Variants in DRC8 observed in about 807,000 individuals in gnomAD.
DRC8 encodes dynein regulatory complex subunit 8.
the DRC8 span, among the ~76,000 whole-genome samples, chr1:245,077,354 A>G: frequency 6.6e-6 from 1 of 152,196 alleles, no homozygotes; most frequent in East Asian, 1.9e-4. Flanking sequence ...GAATCCAAAT[A>G]AAGTTTGGAA....
the DRC8 span, among the ~76,000 whole-genome samples, chr1:245,090,208 G>A: frequency 6.6e-6 from 1 of 152,192 alleles, no homozygotes; most frequent in Admixed American, 6.5e-5. Flanking sequence ...AAAGACCCAG[G>A]TAGGAGGAGT....
At chr1:245,002,292 CTCCAGCCTTGCTTCCT>C in the DRC8 span, 1 of 1,400,462 alleles carries the variant, frequency 7.1e-7, no homozygotes. Context: ...ATCTCTCTGC[CTCCAGCCTTGCTTCCT>C]TCCAGTTAAG....
At chr1:244,985,076 G>GTTTT in the DRC8 span, among the ~76,000 whole-genome samples, 834 of 130,650 alleles carry the variant, frequency 6.4e-3, 17 homozygotes, top group African/African-American at 0.017. Context: ...TGTCTCCAGG[G>GTTTT]TTTTTTTTTT....
the DRC8 span, among the ~76,000 whole-genome samples, chr1:245,093,345 T>C: frequency 6.6e-6 from 1 of 152,190 alleles, no homozygotes; most frequent in East Asian, 1.9e-4. Flanking sequence ...AGGAATTATT[T>C]ACCTCATCTA....
chr1:245,085,907 T>C, the DRC8 span, among the ~76,000 whole-genome samples: 1 of 152,238 alleles, frequency 6.6e-6, no homozygotes, highest in African/African-American at 2.4e-5. Flanking sequence ...TAACAGAGTG[T>C]AGGCGACAAA....
chr1:244,973,168 T>C, the DRC8 span, among the ~76,000 whole-genome samples: 1 of 152,190 alleles, frequency 6.6e-6, no homozygotes, highest in Non-Finnish European at 1.5e-5. Flanking sequence ...TAAGGGTATA[T>C]ACATTGACTT....
the DRC8 span, among the ~76,000 whole-genome samples, chr1:245,100,633 T>C: frequency 1.3e-5 from 2 of 150,896 alleles, no homozygotes; most frequent in Non-Finnish European, 3.0e-5. Context: ...ATACAAAAAT[T>C]AGCCAGGTGT....
chr1:245,063,879 C>T, the DRC8 span, among the ~76,000 whole-genome samples: 1 of 152,142 alleles, frequency 6.6e-6, no homozygotes, highest in African/African-American at 2.4e-5. Flanking sequence ...CGCACCACCA[C>T]ACCCGGCTAA....
At chr1:244,973,764 G>A in the DRC8 span, among the ~76,000 whole-genome samples, 3 of 152,144 alleles carry the variant, frequency 2.0e-5, no homozygotes, top group Non-Finnish European at 4.4e-5. Flanking sequence ...TCTAAAGGGG[G>A]AATAAGTTTC....
chr1:245,070,864 C>A, the DRC8 span, among the ~76,000 whole-genome samples: 1 of 152,168 alleles, frequency 6.6e-6, no homozygotes, highest in South Asian at 2.1e-4. Flanking sequence ...AGATCCCTCA[C>A]GAACGGGATT....
At chr1:244,999,911 C>G in the DRC8 span, among the ~76,000 whole-genome samples, 1 of 152,124 alleles carries the variant, frequency 6.6e-6, no homozygotes, top group Non-Finnish European at 1.5e-5. Context: ...CTCTGCCTCC[C>G]GGGTTCAAGC....
chr1:245,059,733 G>A, the DRC8 span, among the ~76,000 whole-genome samples: 7 of 152,194 alleles, frequency 4.6e-5, no homozygotes, highest in Non-Finnish European at 7.3e-5. Flanking sequence ...GTTGAAAAGA[G>A]GCCAGTAGAT....
chr1:244,997,192 T>C, the DRC8 span, among the ~76,000 whole-genome samples: 1 of 152,204 alleles, frequency 6.6e-6, no homozygotes, highest in Admixed American at 6.5e-5. Flanking sequence ...TCTGACCTTT[T>C]TATTTTTTTT....
the DRC8 span, among the ~76,000 whole-genome samples, chr1:245,008,941 G>T: frequency 3.0e-4 from 45 of 151,486 alleles, no homozygotes; most frequent in African/African-American, 9.7e-4. Flanking sequence ...CCCCAGCCTG[G>T]CCTCTCAAAG....
the DRC8 span, among the ~76,000 whole-genome samples, chr1:245,026,583 G>A: frequency 2.0e-5 from 3 of 152,174 alleles, no homozygotes; most frequent in African/African-American, 7.2e-5. Flanking sequence ...CTGCATTTGT[G>A]CAATGGAAAA....
the DRC8 span, chr1:245,075,592 T>G: frequency 6.6e-6 from 1 of 152,202 alleles, no homozygotes; most frequent in African/African-American, 2.4e-5. Flanking sequence ...GCCAGGCGTA[T>G]CAGGGCCTTG....
the DRC8 span, among the ~76,000 whole-genome samples, chr1:245,063,079 G>T: frequency 6.6e-6 from 1 of 152,130 alleles, no homozygotes; most frequent in Non-Finnish European, 1.5e-5. Flanking sequence ...GTGCATCTGA[G>T]CCCTCCCATG....
chr1:245,026,620 G>C, the DRC8 span, among the ~76,000 whole-genome samples: 1 of 152,080 alleles, frequency 6.6e-6, no homozygotes, highest in Non-Finnish European at 1.5e-5. Context: ...GGAATTGCTG[G>C]GTCCACACAC....
At chr1:244,981,056 G>A in the DRC8 span, among the ~76,000 whole-genome samples, 16 of 152,050 alleles carry the variant, frequency 1.1e-4, no homozygotes, top group African/African-American at 3.4e-4. Flanking sequence ...GGTGGCAGGC[G>A]TCTGTAATCC....
Sources: allele counts gnomAD v4.1 joint callset (sites outside exome capture counted in the v4.1 genomes callset), GRCh38; gene constraint gnomAD v4.1.1; transcripts MANE v1.5; gene names NCBI Gene and HGNC (gene_info 2026-07-23, HGNC 2026-07-21).